Variants in CATSPERE observed in about 807,000 individuals in gnomAD.
CATSPERE encodes the protein catsper channel auxiliary subunit epsilon, also known as cation channel sperm-associated auxiliary subunit epsilon.
In CATSPERE, 93 loss-of-function variants were observed where a neutral mutation model predicts 114.1. That is an observed-to-expected ratio of 0.81 (90% confidence interval 0.69 to 0.97). The LOEUF is 0.97. Among genes scored for constraint, CATSPERE ranks in the 50% least tolerant of loss-of-function variants. The pLI is 0.00. For missense variants in CATSPERE, 1,058 were observed against 1,131.6 expected, an observed-to-expected ratio of 0.93 and a Z score of 0.93; for synonymous variants, 341 against 384.1, an observed-to-expected ratio of 0.89 and a Z score of 1.31.
intron 10 of CATSPERE, among the ~76,000 whole-genome samples, chr1:244,565,402 A>G (rs1010087475): frequency 1.3e-5 from 2 of 152,118 alleles, no homozygotes; most frequent in Non-Finnish European, 2.9e-5. Context: ...TTAGTAGGCT[A>G]TTCATTACTG....
At chr1:244,604,726 C>A (rs571605398) in intron 17 of CATSPERE, among the ~76,000 whole-genome samples, 1 of 152,370 alleles carries the variant, frequency 6.6e-6, no homozygotes, top group Admixed American at 6.5e-5. Flanking sequence ...AAACATGTAA[C>A]CATTCTTACG....
intron 15 of CATSPERE, among the ~76,000 whole-genome samples, chr1:244,591,983 T>A (rs550560032): frequency 6.6e-6 from 1 of 152,186 alleles, no homozygotes; most frequent in African/African-American, 2.4e-5. Flanking sequence ...TAGTCTCAAA[T>A]CTCATATTGC....
intron 17 of CATSPERE, among the ~76,000 whole-genome samples, chr1:244,605,292 G>A (rs771853791): frequency 1.1e-4 from 16 of 152,092 alleles, no homozygotes; most frequent in Non-Finnish European, 1.5e-4. Context: ...ACATCCTTCC[G>A]TCTTTCTCCC....
At chr1:244,605,427 C>T (rs1669858754) in intron 17 of CATSPERE, among the ~76,000 whole-genome samples, 1 of 152,132 alleles carries the variant, frequency 6.6e-6, no homozygotes, top group South Asian at 2.1e-4. Flanking sequence ...TCATTACTAT[C>T]AGGTTTTATT....
At chr1:244,631,656 C>T (rs919209375) in intron 20 of CATSPERE, among the ~76,000 whole-genome samples, 3 of 152,120 alleles carry the variant, frequency 2.0e-5, no homozygotes, top group African/African-American at 7.2e-5. Flanking sequence ...TGAACAGACA[C>T]CTCTCCAGAG....
chr1:244,470,479 G>A (rs182079186), intron 2 of CATSPERE, among the ~76,000 whole-genome samples: 9 of 152,278 alleles, frequency 5.9e-5, no homozygotes, highest in East Asian at 5.8e-4. Context: ...CTTCGCACCC[G>A]CTCAGATGTC....
intron 12 of CATSPERE, among the ~76,000 whole-genome samples, chr1:244,582,697 C>T (rs1429409197): frequency 4.0e-5 from 6 of 151,860 alleles, no homozygotes; most frequent in East Asian, 1.9e-4. Flanking sequence ...CCACTGCACC[C>T]GCAGGAAGAA....
chr1:244,524,172 G>A (rs1678118828), intron 8 of CATSPERE, among the ~76,000 whole-genome samples: 1 of 145,976 alleles, frequency 6.9e-6, no homozygotes, highest in Admixed American at 6.7e-5. Context: ...AGAGCCCTCA[G>A]AAATAACGCT....
chr1:244,523,284 T>C (rs1395450020), intron 8 of CATSPERE, among the ~76,000 whole-genome samples: 10 of 147,710 alleles, frequency 6.8e-5, no homozygotes, highest in Non-Finnish European at 8.9e-5. Flanking sequence ...CAAAATTCAA[T>C]AACCCTTCAT....
intron 8 of CATSPERE, among the ~76,000 whole-genome samples, chr1:244,536,083 T>G (rs1026543392): frequency 1.3e-5 from 2 of 151,902 alleles, no homozygotes; most frequent in African/African-American, 2.4e-5. Context: ...CATGGGGGCC[T>G]CAGGACTGCC....
chr1:244,639,611 ACC>A (rs2148766635), intron 21 of CATSPERE, among the ~76,000 whole-genome samples: 1 of 149,026 alleles, frequency 6.7e-6, no homozygotes, highest in Non-Finnish European at 1.5e-5. Flanking sequence ...AATGGTTTGA[ACC>A]CAGGAGCCAG....
intron 20 of CATSPERE, among the ~76,000 whole-genome samples, chr1:244,619,158 G>A (rs1370470822): frequency 6.6e-6 from 1 of 152,112 alleles, no homozygotes; most frequent in Non-Finnish European, 1.5e-5. Context: ...TGGAAAGGAA[G>A]AGCTGATGAT....
chr1:244,620,051 G>A (rs978921873), intron 20 of CATSPERE, among the ~76,000 whole-genome samples: 1 of 152,180 alleles, frequency 6.6e-6, no homozygotes, highest in African/African-American at 2.4e-5. Flanking sequence ...TAAGTAAAGT[G>A]GAGTCTTGGC....
At chr1:244,551,561 ATAAC>A (rs1660631843) in intron 8 of CATSPERE, among the ~76,000 whole-genome samples, 1 of 152,186 alleles carries the variant, frequency 6.6e-6, no homozygotes, top group Admixed American at 6.5e-5. Context: ...AAAAGTTAAT[ATAAC>A]TAATTTGAGA....
At chr1:244,551,715 A>G (rs1660653271) in intron 8 of CATSPERE, among the ~76,000 whole-genome samples, 1 of 152,160 alleles carries the variant, frequency 6.6e-6, no homozygotes, top group African/African-American at 2.4e-5. Flanking sequence ...TAAAAGAGAA[A>G]AAAGAAGGTA....
chr1:244,465,690 A>G (rs1667492199), intron 2 of CATSPERE, among the ~76,000 whole-genome samples: 1 of 152,184 alleles, frequency 6.6e-6, no homozygotes, highest in Non-Finnish European at 1.5e-5. Flanking sequence ...GTTCTTCCAC[A>G]AGACTACTTT....
chr1:244,533,016 T>A (rs1679848471), intron 8 of CATSPERE, among the ~76,000 whole-genome samples: 1 of 152,110 alleles, frequency 6.6e-6, no homozygotes. Flanking sequence ...AATATTTGCC[T>A]TATATGTCTG....
rs969890068 is a variant in CATSPERE at position 244,572,416 on chromosome 1, T to G, written c.1594T>G (p.Leu532Val). ...TACTAGAGATGCAGTAAAGCTGCAT[T>G]TATGGACAAATTACACAACAAGAGC... ...INTRDAVKLH[L>V]WTNYTTRAFI... The change falls in exon 11 of 22, where the codon TTA becomes GTA. Residue 532 changes from leucine (L) to valine (V), a missense_variant. Leu to Val is a conservative substitution (Grantham distance 32). Coordinates refer to ENST00000366534, the MANE Select transcript of CATSPERE (RefSeq NM_001130957.2). The G allele has an allele frequency of 2.5e-6, 4 of 1,597,852 alleles. No individual in the cohort carries two copies. The highest frequency in any genetic ancestry group is 1.7e-5 in the Admixed American group (1 of 59,986).
At chr1:244,534,630 C>CT (rs34792816) in intron 8 of CATSPERE, among the ~76,000 whole-genome samples, 151,062 of 152,188 alleles carry the variant, frequency 0.99, 74,982 homozygotes, top group Middle Eastern at 1. Flanking sequence ...ACTTCAATCT[C>CT]TTTTTTTAAT....
Sources: allele counts gnomAD v4.1 joint callset (sites outside exome capture counted in the v4.1 genomes callset), GRCh38; gene constraint gnomAD v4.1.1; transcripts MANE v1.5; gene names NCBI Gene and HGNC (gene_info 2026-07-23, HGNC 2026-07-21).